Variants in FRK observed in about 807,000 individuals in gnomAD.
FRK encodes fyn related Src family tyrosine kinase, also known as tyrosine-protein kinase FRK.
FRK carries 51 observed loss-of-function variants against 56.4 expected under a neutral mutation model. That is an observed-to-expected ratio of 0.90 (90% confidence interval 0.72 to 1.14). The LOEUF (loss-of-function observed/expected upper bound fraction) is 1.14, where lower values mean the gene tolerates loss of function less well. Ranked by LOEUF, FRK falls within the 50% of genes most tolerant of loss-of-function variation. The pLI, the probability that FRK is intolerant of heterozygous loss-of-function variation, is 0.00. For missense variants in FRK, 570 were observed against 601.4 expected (o/e 0.95, Z 0.55); for synonymous variants, 245 against 217.9 (o/e 1.12, Z -1.10).
At chr6:116,024,507 T>C (rs1305472753) in intron 1 of FRK, among the ~76,000 whole-genome samples, 1 of 150,836 alleles carries the variant, frequency 6.6e-6, no homozygotes, top group Non-Finnish European at 1.5e-5. Flanking sequence ...TGAGTGAGAA[T>C]ATGCGGTGTT....
chr6:116,022,560 C>T (rs779973300), intron 1 of FRK, among the ~76,000 whole-genome samples: 22 of 152,012 alleles, frequency 1.4e-4, no homozygotes, highest in African/African-American at 2.4e-4. Context: ...TATAATCAGC[C>T]GCTCAATAGA....
chr6:116,059,373 T>C (rs1777528441), intron 1 of FRK, among the ~76,000 whole-genome samples: 1 of 152,072 alleles, frequency 6.6e-6, no homozygotes, highest in South Asian at 2.1e-4. Context: ...AAAGATATCA[T>C]AATTTGGGTA....
chr6:116,097,088 G>A, the FRK span, among the ~76,000 whole-genome samples: 120 of 152,012 alleles, frequency 7.9e-4, 1 homozygote, highest in Middle Eastern at 6.8e-3. Flanking sequence ...CAAGAGAGTA[G>A]AAAATGAAGT....
At chr6:115,968,481 T>C in intron 3 of FRK, 95 bp downstream of exon 3, 1 of 1,432,274 alleles carries the variant, frequency 7.0e-7, no homozygotes, top group Non-Finnish European at 9.5e-7. Context: ...AAATGACAAT[T>C]TTTTTCCTGA....
intron 2 of FRK, among the ~76,000 whole-genome samples, chr6:115,982,824 C>T (rs1179392399): frequency 6.6e-5 from 10 of 152,054 alleles, no homozygotes; most frequent in Non-Finnish European, 2.9e-5. Flanking sequence ...GTAATCGCAG[C>T]ACTTTGGGAG....
chr6:116,079,393 T>C, the FRK span, among the ~76,000 whole-genome samples: 778 of 147,656 alleles, frequency 5.3e-3, 31 homozygotes, highest in East Asian at 0.1. Context: ...TATTTCTGCA[T>C]TGGGTTTTTT....
At chr6:116,080,216 C>T in the FRK span, among the ~76,000 whole-genome samples, 106 of 152,246 alleles carry the variant, frequency 7.0e-4, no homozygotes, top group Admixed American at 1.4e-3. Flanking sequence ...AGTACAGTGG[C>T]ATGATTGCGG....
intron 2 of FRK, among the ~76,000 whole-genome samples, chr6:115,994,192 T>TG (rs1377576079): frequency 6.6e-6 from 1 of 151,918 alleles, no homozygotes; most frequent in Admixed American, 6.6e-5. Context: ...TAATGTAACA[T>TG]GGGGTACTTT....
rs1772223239 is a variant in FRK, at chr6:115,942,471, A to C, written c.1461T>G (p.Leu487=). ...AAGAGTCTGTTTCAAAATAGTCTTC[A>C]AGTTTCCAACGCAGTGTCTCAAATG... The part of the protein sequence containing the change: ...RPTFETLRWK[L]EDYFETDSSY... The change falls in exon 8 of 8, where the codon CTT becomes CTG. Residue 487 remains leucine (L), a synonymous_variant. Coordinates refer to ENST00000606080, the MANE Select transcript of FRK (RefSeq NM_002031.3). 6.2e-7 allele frequency: 1 copy of C among 1,613,662 alleles called. No homozygotes were observed. Among genetic ancestry groups the C allele is most frequent in the African/African-American group, 1.3e-5 (1 of 74,914 alleles).
chr6:116,091,971 T>C, the FRK span, among the ~76,000 whole-genome samples: 1 of 152,204 alleles, frequency 6.6e-6, no homozygotes, highest in African/African-American at 2.4e-5. Flanking sequence ...CTATCTAGCC[T>C]GACCCTCGCC....
chr6:116,029,386 G>T (rs1209673094), intron 1 of FRK, among the ~76,000 whole-genome samples: 1 of 152,120 alleles, frequency 6.6e-6, no homozygotes, highest in Non-Finnish European at 1.5e-5. Context: ...CTCAGATAAT[G>T]ATGATGCAAT....
rs1582772315 is a variant in FRK at position 116,060,416 on chromosome 6, T to G, written c.-105A>C. The G allele has an allele frequency of 1.2e-6, 1 of 829,434 alleles. No homozygotes were observed. The highest frequency in any genetic ancestry group is 1.9e-6 in the Non-Finnish European group (1 of 524,090). 51.4% of individuals were successfully genotyped at this position (829,434 alleles called of 1,614,324 possible). A position where few individuals can be genotyped will look rare whatever the true frequency, so the allele number is the denominator to read the frequency against. On this transcript the variant is annotated 5_prime_UTR_variant, in exon 1 of 8. Transcript: ENST00000606080. The stretch of plus-strand genomic sequence containing the variant: ...AGGCAACTTTGAAGTCAGCACCAAC[T>G]CACCATACTTCGGAGAGTATGCAAA...
intron 2 of FRK, among the ~76,000 whole-genome samples, chr6:115,998,134 C>G (rs763526816): frequency 1.3e-5 from 2 of 152,190 alleles, no homozygotes; most frequent in Non-Finnish European, 2.9e-5. Flanking sequence ...GCCAGCTGAG[C>G]TTGGGATCTG....
At chr6:116,018,287 G>GTCTTTATT (rs1775727472) in intron 1 of FRK, among the ~76,000 whole-genome samples, 1 of 152,108 alleles carries the variant, frequency 6.6e-6, no homozygotes, top group Admixed American at 6.6e-5. Context: ...CTCAATTAAG[G>GTCTTTATT]CCCATCTATT....
At chr6:116,037,268 G>A (rs1776522328) in intron 1 of FRK, among the ~76,000 whole-genome samples, 1 of 152,072 alleles carries the variant, frequency 6.6e-6, no homozygotes, top group African/African-American at 2.4e-5. Context: ...CTCTTACTTG[G>A]TTCCACTGCC....
At chr6:116,021,501 C>T (rs1213116526) in intron 1 of FRK, among the ~76,000 whole-genome samples, 1 of 152,060 alleles carries the variant, frequency 6.6e-6, no homozygotes, top group African/African-American at 2.4e-5. Context: ...ACTATACTTC[C>T]ACCTTCAAAT....
chr6:115,988,693 C>T (rs1043419016), intron 2 of FRK, among the ~76,000 whole-genome samples: 5 of 152,076 alleles, frequency 3.3e-5, no homozygotes, highest in South Asian at 2.1e-4. Context: ...TAGCACTCAA[C>T]ATCATAGTGT....
intron 1 of FRK, among the ~76,000 whole-genome samples, chr6:116,019,600 G>T (rs1775786387): frequency 6.6e-6 from 1 of 152,212 alleles, no homozygotes; most frequent in African/African-American, 2.4e-5. Flanking sequence ...CTTGGGGATA[G>T]TCAGAGCAAG....
chr6:116,019,783 A>G (rs1775794906), intron 1 of FRK, among the ~76,000 whole-genome samples: 1 of 152,212 alleles, frequency 6.6e-6, no homozygotes, highest in Non-Finnish European at 1.5e-5. Context: ...ACTTGTCCTC[A>G]AATAATAATA....
Sources: gnomAD v4.1 joint callset for allele counts (sites outside exome capture counted in the v4.1 genomes callset) on GRCh38, gnomAD v4.1.1 for gene constraint, MANE v1.5 for transcripts, NCBI Gene and HGNC (gene_info 2026-07-23, HGNC 2026-07-21) for gene names.